The following RAPGEF2 variants were observed in gnomAD, a reference collection of about 807,000 sequenced individuals.
The protein encoded by RAPGEF2 is Rap guanine nucleotide exchange factor 2.
RAPGEF2 carries 54 observed loss-of-function variants against 186.7 expected under a neutral mutation model. The observed-to-expected ratio is 0.29, with a 90% confidence interval of 0.23 to 0.36. The LOEUF (loss-of-function observed/expected upper bound fraction) is 0.36. Ranked by LOEUF, RAPGEF2 falls within the 10% of genes least tolerant of loss-of-function variation. RAPGEF2 has a pLI of 1.00. For synonymous variants in RAPGEF2, 712 were observed against 705.9 expected, an observed-to-expected ratio of 1.01 and a Z score of -0.14; for missense variants, 1,532 against 2,045.0, an observed-to-expected ratio of 0.75 and a Z score of 4.84.
Position 159,103,212 on chromosome 4 carries a change from C to T in RAPGEF2, c.-951C>T, listed in dbSNP as rs1334788596. Reference sequence around the variant, plus strand: ...TCTCGGCTTTCGGCCCTCGGACGCCCGCGCCGGGAGTCCGAACCCGGGCTG... The same window carrying T: ...TCTCGGCTTTCGGCCCTCGGACGCCTGCGCCGGGAGTCCGAACCCGGGCTG... On this transcript the variant is annotated 5_prime_UTR_variant, in exon 1 of 30. Coordinates refer to ENST00000691494, the MANE Select transcript of RAPGEF2 (RefSeq NM_001394067.2). 1 of 151,918 alleles carries T rather than the reference C, an allele frequency of 6.6e-6. No homozygotes were observed. Among genetic ancestry groups the T allele is most frequent in the Non-Finnish European group, 1.5e-5 (1 of 68,000 alleles). The allele number at this position is 151,918 out of a possible 1,614,324, so 9.4% of individuals were successfully genotyped here. A position where few individuals can be genotyped will look rare whatever the true frequency, so the allele number is the denominator to read the frequency against.
At chr4:159,190,652 T>C (rs1180466086) in intron 2 of RAPGEF2, among the ~76,000 whole-genome samples, 1 of 152,166 alleles carries the variant, frequency 6.6e-6, no homozygotes, top group East Asian at 1.9e-4. Context: ...CTTACAATCA[T>C]GGCAGAAGGG....
chr4:159,276,296 C>T (rs1758859274), intron 7 of RAPGEF2, among the ~76,000 whole-genome samples: 1 of 152,108 alleles, frequency 6.6e-6, no homozygotes, highest in Non-Finnish European at 1.5e-5. Flanking sequence ...TTTACACTTA[C>T]TTGTTTTCTT....
intron 8 of RAPGEF2, among the ~76,000 whole-genome samples, chr4:159,305,822 G>C (rs1372972318): frequency 6.6e-6 from 1 of 151,990 alleles, no homozygotes; most frequent in East Asian, 1.9e-4. Flanking sequence ...TCTTCAATCT[G>C]TTTTGAGTCG....
chr4:159,214,259 T>A (rs1750796976), intron 4 of RAPGEF2, among the ~76,000 whole-genome samples: 1 of 152,190 alleles, frequency 6.6e-6, no homozygotes, highest in Admixed American at 6.5e-5. Flanking sequence ...CTTTATGAGG[T>A]GCTGATTACA....
chr4:159,250,765 A>G lies in RAPGEF2; in HGVS notation c.543+6974A>G, dbSNP rs182818690. On this transcript the variant is annotated intron_variant, in intron 7 of 29. Transcript: ENST00000691494. ...GGCTCACTGCAACTGAGAGGTGACAACGTGCTAGCAGCCCTCGCTTGCTCT... is the reference window on the plus strand; with the variant it reads ...GGCTCACTGCAACTGAGAGGTGACAGCGTGCTAGCAGCCCTCGCTTGCTCT... Among the ~76,000 whole-genome samples, 807 of 150,512 alleles carry G rather than the reference A, an allele frequency of 5.4e-3. 3 individuals are homozygous for G. Among genetic ancestry groups the G allele is most frequent in the African/African-American group, 0.018 (741 of 40,688 alleles).
chr4:159,239,284 G>A (rs915669481), intron 5 of RAPGEF2, among the ~76,000 whole-genome samples: 5 of 151,956 alleles, frequency 3.3e-5, no homozygotes, highest in African/African-American at 1.2e-4. Context: ...GAACAATTTT[G>A]GAATCTAAAC....
intron 8 of RAPGEF2, among the ~76,000 whole-genome samples, chr4:159,312,020 G>A (rs942196591): frequency 1.3e-5 from 2 of 152,062 alleles, no homozygotes; most frequent in African/African-American, 4.8e-5. Context: ...TAAAGTGGAA[G>A]GTTCAGTTTG....
intron 4 of RAPGEF2, among the ~76,000 whole-genome samples, chr4:159,233,196 C>A (rs1479008548): frequency 1.3e-5 from 2 of 152,194 alleles, no homozygotes; most frequent in African/African-American, 4.8e-5. Context: ...TCCTGCTCCT[C>A]ATGCTTTTAT....
chr4:159,357,309 C>T (rs551130443), intron 29 of RAPGEF2, among the ~76,000 whole-genome samples: 3 of 152,284 alleles, frequency 2.0e-5, no homozygotes, highest in African/African-American at 7.2e-5. Flanking sequence ...TGTGGTGACC[C>T]ATGATTGTGC....
chr4:159,243,839 G>A, intron 7 of RAPGEF2, 48 bp downstream of exon 7: 4 of 1,194,384 alleles, frequency 3.3e-6, no homozygotes, highest in South Asian at 1.3e-5. Flanking sequence ...AAGTTTACGT[G>A]TGAATTTGCA....
rs1271442254 is a variant in RAPGEF2 at position 159,172,051 on chromosome 4, C to A, written c.70-14591C>A. 2.0e-5 allele frequency among the ~76,000 whole-genome samples: 3 copies of A among 151,998 alleles called. No individual in the cohort carries two copies. In the East Asian group the frequency reaches 5.8e-4, roughly 29 times the overall value. ...TATAAAAAAAAGGGAAGGTTACAGT[C>A]CCACAATAAAGGAGAACTCTTTAAA... On this transcript the variant is annotated intron_variant, in intron 1 of 29. Transcript: ENST00000691494.
chr4:159,266,035 G>A (rs1322794663), intron 7 of RAPGEF2, among the ~76,000 whole-genome samples: 1 of 152,128 alleles, frequency 6.6e-6, no homozygotes, highest in African/African-American at 2.4e-5. Context: ...GGAGGAAGAG[G>A]AAAATACCTG....
At chr4:159,356,411 T>C (rs888169656) in intron 29 of RAPGEF2, among the ~76,000 whole-genome samples, 1 of 152,176 alleles carries the variant, frequency 6.6e-6, no homozygotes, top group African/African-American at 2.4e-5. Flanking sequence ...AAATACAGTG[T>C]GTATATAACT....
chr4:159,302,249 T>C (rs1174715798), intron 7 of RAPGEF2, among the ~76,000 whole-genome samples: 1 of 152,204 alleles, frequency 6.6e-6, no homozygotes, highest in Non-Finnish European at 1.5e-5. Context: ...GGGAAGATGA[T>C]GGATTCTGAA....
rs899389699 is a variant in RAPGEF2 at position 159,104,054 on chromosome 4, C to CGCGG, written c.-93_-90dup. The CGCGG allele has an allele frequency of 2.9e-4, 147 of 506,004 alleles. No homozygotes were observed. The highest frequency in any genetic ancestry group is 1.7e-3 in the African/African-American group (80 of 47,882). 31.3% of individuals were successfully genotyped at this position (506,004 alleles called of 1,614,324 possible). A position where few individuals can be genotyped will look rare whatever the true frequency, so the allele number is the denominator to read the frequency against. ...CGCCGCCGCGGTTTGGCTGATTAGT[C>CGCGG]GCGGGCGGGCGGGCGGGCGCAGCGC... On this transcript the variant is annotated 5_prime_UTR_variant, in exon 1 of 30. Coordinates refer to ENST00000691494, the MANE Select transcript of RAPGEF2 (RefSeq NM_001394067.2).
chr4:159,149,859 A>C (rs991513932), intron 1 of RAPGEF2, among the ~76,000 whole-genome samples: 5 of 152,174 alleles, frequency 3.3e-5, no homozygotes, highest in African/African-American at 1.2e-4. Context: ...TTAGGAGACA[A>C]AATTGCTATC....
chr4:159,289,654 A>G, intron 7 of RAPGEF2, among the ~76,000 whole-genome samples: 1 of 152,348 alleles, frequency 6.6e-6, no homozygotes, highest in South Asian at 2.1e-4. Flanking sequence ...AGAGTGATGA[A>G]AAAGACACAC....
chr4:159,218,446 T>C (rs1435477556), intron 4 of RAPGEF2, among the ~76,000 whole-genome samples: 1 of 152,224 alleles, frequency 6.6e-6, no homozygotes, highest in African/African-American at 2.4e-5. Context: ...AGACATTTTC[T>C]TTATAGAGAA....
rs1317543426 is a variant in RAPGEF2, at chr4:159,341,763, A to G, written c.2734A>G (p.Lys912Glu). The change falls in exon 20 of 30, where the codon AAA (lysine) becomes GAA (glutamate). Residue 912 changes from lysine to glutamate, a missense_variant. Around this residue, in one of 4 missense-constraint regions of RAPGEF2, gnomAD observed 810 missense variants for 1,210.5 expected, o/e 0.67. Transcript: ENST00000691494. The part of the protein sequence containing the change: ...YIDDLFKLRS[K>E]TSCANLKRFE... ...AGATGATTTATTTAAACTCAGATCA[A>G]AAACCAGCTGTGCCAACCTGAAGAG... The G allele has an allele frequency of 1.2e-6, 2 of 1,613,930 alleles. No homozygotes were observed. Among genetic ancestry groups the G allele is most frequent in the African/African-American group, 2.7e-5 (2 of 74,924 alleles).
Sources: allele counts gnomAD v4.1 joint callset (sites outside exome capture counted in the v4.1 genomes callset), GRCh38; gene constraint gnomAD v4.1.1; regional missense constraint gnomAD v4.1.1; transcripts MANE v1.5; gene names NCBI Gene and HGNC (gene_info 2026-07-23, HGNC 2026-07-21).